Variants in ANKRD13C observed in about 807,000 individuals in gnomAD.
ANKRD13C encodes the protein ankyrin repeat domain-containing protein 13C.
ANKRD13C carries 16 observed loss-of-function variants against 65.5 expected under a neutral mutation model. The ratio of observed to expected loss-of-function variants is 0.24; its 90% CI spans 0.17 to 0.37. The LOEUF is 0.37. ANKRD13C is among the 10% of genes least tolerant of loss of function. ANKRD13C has a pLI of 1.00. For synonymous variants in ANKRD13C, 235 were observed against 238.7 expected (o/e 0.98, Z 0.14); for missense variants, 503 against 655.9 (o/e 0.77, Z 2.55).
chr1:70,342,457 G>A (rs1682350125), intron 1 of ANKRD13C, among the ~76,000 whole-genome samples: 1 of 152,128 alleles, frequency 6.6e-6, no homozygotes, highest in African/African-American at 2.4e-5. Flanking sequence ...AGAATCGCTT[G>A]AACCCGGGAG....
At chr1:70,346,821 G>A (rs1435179385) in intron 1 of ANKRD13C, among the ~76,000 whole-genome samples, 1 of 152,166 alleles carries the variant, frequency 6.6e-6, no homozygotes. Flanking sequence ...GGCGGGCGCG[G>A]TGGCTCACGC....
chr1:70,296,349 G>GTA, intron 7 of ANKRD13C, 88 bp from the exon 8 acceptor site: 1 of 1,310,764 alleles, frequency 7.6e-7, no homozygotes, highest in Non-Finnish European at 1.0e-6. Context: ...AATTATAATG[G>GTA]TACCAATTTT....
At chr1:70,343,293 T>A (rs1682389871) in intron 1 of ANKRD13C, among the ~76,000 whole-genome samples, 1 of 152,170 alleles carries the variant, frequency 6.6e-6, no homozygotes, top group African/African-American at 2.4e-5. Context: ...ACCAACTATA[T>A]CATAAAACTA....
At chr1:70,308,738 CAAAAAA>C (rs781171233) in intron 5 of ANKRD13C, among the ~76,000 whole-genome samples, 1 of 74,186 alleles carries the variant, frequency 1.3e-5, no homozygotes, top group Non-Finnish European at 2.8e-5. Context: ...GACTCCGTCT[CAAAAAA>C]AAAAAAAAAA....
intron 1 of ANKRD13C, among the ~76,000 whole-genome samples, chr1:70,352,339 CAAAAAAAAAAAAAAA>C (rs397965041): frequency 4.9e-5 from 3 of 60,796 alleles, no homozygotes; most frequent in African/African-American, 1.3e-4. Flanking sequence ...GACTCCGTCT[CAAAAAAAAAAAAAAA>C]AAAAAAAAAG....
At chr1:70,353,531 C>G (rs1284205994) in intron 1 of ANKRD13C, among the ~76,000 whole-genome samples, 1 of 152,094 alleles carries the variant, frequency 6.6e-6, no homozygotes, top group Non-Finnish European at 1.5e-5. Flanking sequence ...AAAATCACAA[C>G]CAGTTGCAGT....
intron 12 of ANKRD13C, among the ~76,000 whole-genome samples, chr1:70,269,587 G>C: frequency 6.6e-6 from 1 of 152,172 alleles, no homozygotes; most frequent in Non-Finnish European, 1.5e-5. Flanking sequence ...ACACAGCTCT[G>C]AATTGCATTA....
intron 12 of ANKRD13C, among the ~76,000 whole-genome samples, chr1:70,268,684 G>A (rs753502029): frequency 1.4e-4 from 21 of 152,074 alleles, no homozygotes; most frequent in Non-Finnish European, 2.9e-4. Flanking sequence ...AATCATCTGC[G>A]CTTAGGTTGT....
At chr1:70,293,240 C>G (rs1445604135) in intron 8 of ANKRD13C, among the ~76,000 whole-genome samples, 1 of 151,926 alleles carries the variant, frequency 6.6e-6, no homozygotes, top group Non-Finnish European at 1.5e-5. Context: ...TAACTTTTAC[C>G]TTTTTCAGAC....
chr1:70,291,469 C>G (rs1679866346), intron 9 of ANKRD13C, among the ~76,000 whole-genome samples: 1 of 152,180 alleles, frequency 6.6e-6, no homozygotes, highest in Non-Finnish European at 1.5e-5. Flanking sequence ...GGAGCAGTTA[C>G]CATGTCTCAT....
intron 8 of ANKRD13C, among the ~76,000 whole-genome samples, chr1:70,295,461 T>C (rs937277365): frequency 3.3e-5 from 5 of 152,142 alleles, no homozygotes; most frequent in African/African-American, 9.7e-5. Flanking sequence ...TTGGCCAGGC[T>C]GGTCTCGAAC....
intron 6 of ANKRD13C, among the ~76,000 whole-genome samples, chr1:70,302,824 G>A (rs528472980): frequency 6.7e-6 from 1 of 149,630 alleles, no homozygotes; most frequent in African/African-American, 2.5e-5. Context: ...TACCAAAAAG[G>A]AACAGATCAT....
At chr1:70,294,315 C>A (rs980666112) in intron 8 of ANKRD13C, among the ~76,000 whole-genome samples, 1 of 152,066 alleles carries the variant, frequency 6.6e-6, no homozygotes, top group Non-Finnish European at 1.5e-5. Flanking sequence ...TGGGCAGTGG[C>A]CAAGGAGGGC....
intron 9 of ANKRD13C, among the ~76,000 whole-genome samples, chr1:70,277,704 TA>T (rs1355347572): frequency 6.6e-6 from 1 of 151,816 alleles, no homozygotes. Flanking sequence ...CAGAGAAAAT[TA>T]AAGGTAAAAA....
chr1:70,339,842 ATTATTATTATTAT>A (rs1017556742), intron 1 of ANKRD13C, among the ~76,000 whole-genome samples: 6 of 118,778 alleles, frequency 5.1e-5, no homozygotes, highest in African/African-American at 1.8e-4. Flanking sequence ...TATTATTATT[ATTATTATTATTAT>A]TATTATTATT....
Position 70,268,169 on chromosome 1 carries a change from CT to C in ANKRD13C, c.1495+2686del, listed in dbSNP as rs374785030. 2.0e-3 allele frequency among the ~76,000 whole-genome samples: 306 copies of C among 151,620 alleles called. 1 individual carries two copies. Among genetic ancestry groups the C allele is most frequent in the African/African-American group, 6.8e-3 (279 of 40,962 alleles). On this transcript the variant is annotated intron_variant, in intron 12 of 12. Coordinates refer to ENST00000370944, the MANE Select transcript of ANKRD13C (RefSeq NM_030816.5). ...AATATGAAGTCACTCATACAGCTAGCTTCCCCGCCCCCACCTTGAGACAGAG... is the reference window on the plus strand; with the variant it reads ...AATATGAAGTCACTCATACAGCTAGCTCCCCGCCCCCACCTTGAGACAGAG...
intron 2 of ANKRD13C, among the ~76,000 whole-genome samples, chr1:70,325,804 G>A (rs563215159): frequency 8.5e-5 from 13 of 152,200 alleles, no homozygotes; most frequent in South Asian, 2.1e-4. Flanking sequence ...GCTTGAACCC[G>A]GGAGGCAGAG....
chr1:70,343,205 T>C lies in ANKRD13C; in HGVS notation c.431-7106A>G, dbSNP rs569637411. Among the ~76,000 whole-genome samples, 3 of 152,336 alleles carry C rather than the reference T, an allele frequency of 2.0e-5. No homozygotes were observed. In the East Asian group the frequency reaches 5.8e-4, roughly 29 times the overall value. ...TACCTTCTACTATGATGCCAAATAT[T>C]ATGCTCTGCTAATTCAATATTTTAA... On this transcript the variant is annotated intron_variant, in intron 1 of 12. Transcript: ENST00000370944.
intron 3 of ANKRD13C, among the ~76,000 whole-genome samples, chr1:70,322,270 G>A (rs765642): frequency 0.071 from 10,817 of 152,128 alleles, 491 homozygotes; most frequent in South Asian, 0.2. Context: ...ACAGACATAT[G>A]TTTAACACCA....
Sources: allele counts gnomAD v4.1 joint callset (sites outside exome capture counted in the v4.1 genomes callset), GRCh38; gene constraint gnomAD v4.1.1; transcripts MANE v1.5; gene names NCBI Gene and HGNC (gene_info 2026-07-23, HGNC 2026-07-21).